Variants in CYB5R4 observed in about 807,000 individuals in gnomAD.
CYB5R4 encodes cytochrome b5 reductase 4.
In CYB5R4, 55 loss-of-function variants were observed where a neutral mutation model predicts 70.2. The ratio of observed to expected loss-of-function variants is 0.78; its 90% CI spans 0.63 to 0.98. The LOEUF is 0.98. Among genes scored for constraint, CYB5R4 ranks in the 50% least tolerant of loss-of-function variants. CYB5R4 has a pLI of 0.00. For synonymous variants in CYB5R4, 197 were observed against 199.5 expected, an observed-to-expected ratio of 0.99 and a Z score of 0.11; for missense variants, 562 against 612.6, an observed-to-expected ratio of 0.92 and a Z score of 0.87.
chr6:83,883,158 G>T (rs928537857), intron 2 of CYB5R4, among the ~76,000 whole-genome samples: 2 of 152,070 alleles, frequency 1.3e-5, no homozygotes, highest in Non-Finnish European at 2.9e-5. Flanking sequence ...GCAGATAGAT[G>T]AATATAAATG....
intron 6 of CYB5R4, among the ~76,000 whole-genome samples, 155 bp downstream of exon 6, chr6:83,918,220 T>A (rs1019245452): frequency 6.6e-6 from 1 of 152,148 alleles, no homozygotes; most frequent in African/African-American, 2.4e-5. Flanking sequence ...TTAGATGTTG[T>A]TGGAGAATGA....
rs745836350 is a variant in CYB5R4, at chr6:83,924,511, CA to C, written c.741del (p.Glu248ArgfsTer12). 2 of 1,611,558 alleles carry C rather than the reference CA, an allele frequency of 1.2e-6. No individual in the cohort carries two copies. The highest frequency in any genetic ancestry group is 1.7e-6 in the Non-Finnish European group (2 of 1,178,526). ...ESVGKIEIVL[Q>X]KKENTSWDFL... is the part of the protein sequence containing the mutation. ...TGTGGGAAAAATAGAGATTGTTCTA[CA>C]AAAAAAAGAGAATACTTCTTGGGAC... is the stretch of plus-strand genomic sequence containing the variant. On this transcript the variant is annotated frameshift_variant, in exon 10 of 16. Transcript: ENST00000369681. LOFTEE classifies it high-confidence loss of function.
chr6:83,938,773 C>G (rs1271513260), intron 12 of CYB5R4, among the ~76,000 whole-genome samples: 5 of 152,060 alleles, frequency 3.3e-5, no homozygotes, highest in African/African-American at 9.7e-5. Flanking sequence ...ATCTGGCTTT[C>G]CTAAAGACAC....
At position 83,963,463 on chromosome 6, in the gene CYB5R4, C is replaced by G. The variant is rs748401443; in HGVS notation, c.*3585C>G. 1.3e-5 allele frequency: 2 copies of G among 152,178 alleles called. No homozygotes were observed. The highest frequency in any genetic ancestry group is 3.9e-4 in the East Asian group (2 of 5,174). The allele number at this position is 152,178 out of a possible 1,614,324, so 9.4% of individuals were successfully genotyped here. On this transcript the variant is annotated 3_prime_UTR_variant, in exon 16 of 16. Transcript: ENST00000369681. ...CATTTTTGGGCAGAAAAAACAGATT[C>G]TGTATGATCTACAGTATTTAACATT...
At chr6:83,887,965 T>C (rs1405509322) in intron 2 of CYB5R4, among the ~76,000 whole-genome samples, 2 of 152,144 alleles carry the variant, frequency 1.3e-5, no homozygotes, top group Non-Finnish European at 2.9e-5. Context: ...AGGATTGGTG[T>C]TTCATGAATC....
At chr6:83,888,522 A>T (rs1265246995) in intron 2 of CYB5R4, among the ~76,000 whole-genome samples, 1 of 152,056 alleles carries the variant, frequency 6.6e-6, no homozygotes, top group Non-Finnish European at 1.5e-5. Flanking sequence ...TACTATTGTA[A>T]TAGTTTTGGA....
intron 3 of CYB5R4, among the ~76,000 whole-genome samples, chr6:83,900,201 T>C (rs1192599094): frequency 1.3e-5 from 2 of 152,230 alleles, no homozygotes; most frequent in African/African-American, 2.4e-5. Flanking sequence ...AACATCTTTA[T>C]TTCTGCCTTC....
At chr6:83,925,015 G>C (rs2099467053) in intron 10 of CYB5R4, among the ~76,000 whole-genome samples, 1 of 152,022 alleles carries the variant, frequency 6.6e-6, no homozygotes, top group Non-Finnish European at 1.5e-5. Context: ...TTTACTTCTT[G>C]TATTAGTCTC....
chr6:83,940,995 T>C (rs1485710963), intron 14 of CYB5R4, among the ~76,000 whole-genome samples: 1 of 152,216 alleles, frequency 6.6e-6, no homozygotes, highest in Non-Finnish European at 1.5e-5. Context: ...ATGGGATTTC[T>C]AAAGCCTTTA....
At chr6:83,864,942 A>G (rs1161825672) in intron 2 of CYB5R4, among the ~76,000 whole-genome samples, 1 of 152,164 alleles carries the variant, frequency 6.6e-6, no homozygotes, top group Non-Finnish European at 1.5e-5. Context: ...CCTGATATCT[A>G]GTAGGGGAAC....
At chr6:83,929,335 A>T (rs1185166014) in intron 10 of CYB5R4, 1 of 152,206 alleles carries the variant, frequency 6.6e-6, no homozygotes, top group African/African-American at 2.4e-5. Context: ...CCATCTTACT[A>T]GTTTCTTAGC....
chr6:83,921,256 C>G, intron 8 of CYB5R4, 81 bp downstream of exon 8: 3 of 1,218,066 alleles, frequency 2.5e-6, no homozygotes, highest in South Asian at 1.6e-5. Context: ...GTCTAGGTAA[C>G]TGTAATATTT....
At chr6:83,919,849 A>G (rs937981929) in intron 7 of CYB5R4, among the ~76,000 whole-genome samples, 20 of 152,014 alleles carry the variant, frequency 1.3e-4, no homozygotes, top group African/African-American at 4.8e-4. Context: ...CACCATAAGA[A>G]CAAATTTCCT....
chr6:83,866,766 C>G (rs185516717), intron 2 of CYB5R4, among the ~76,000 whole-genome samples: 15 of 152,112 alleles, frequency 9.9e-5, no homozygotes, highest in Admixed American at 3.9e-4. Flanking sequence ...CAAGTGTGCA[C>G]CACCATGCCC....
rs61756899 is a variant in CYB5R4 at position 83,936,386 on chromosome 6, T to A, written c.1108+10T>A. Reference sequence around the variant, plus strand: ...GATCGTCTTCAGATTGGTTAGTATTTTTACATTTTTTAAACCTCATTTGTG... The same window carrying A: ...GATCGTCTTCAGATTGGTTAGTATTATTACATTTTTTAAACCTCATTTGTG... On this transcript the variant is annotated intron_variant, in intron 12 of 15. Transcript: ENST00000369681. 3.1e-3 allele frequency: 4,934 copies of A among 1,610,314 alleles called. 115 individuals are homozygous for A. In the African/African-American group the frequency reaches 0.055, roughly 18 times the overall value.
intron 2 of CYB5R4, among the ~76,000 whole-genome samples, chr6:83,890,422 G>A (rs188086187): frequency 1.8e-3 from 274 of 152,240 alleles, no homozygotes; most frequent in African/African-American, 6.3e-3. Context: ...AAATTGCTGC[G>A]TGATAAAACT....
chr6:83,861,604 A>G (rs2099455940), intron 1 of CYB5R4, among the ~76,000 whole-genome samples: 1 of 152,108 alleles, frequency 6.6e-6, no homozygotes, highest in Non-Finnish European at 1.5e-5. Flanking sequence ...AGTTAGGTTA[A>G]TTGGTGTGTC....
At chr6:83,919,354 G>T in intron 6 of CYB5R4, 43 bp from the exon 7 acceptor site, 2 of 1,058,654 alleles carry the variant, frequency 1.9e-6, no homozygotes, top group South Asian at 3.0e-5. Context: ...GAATGCACAT[G>T]ATTGTCAATA....
intron 4 of CYB5R4, among the ~76,000 whole-genome samples, chr6:83,913,289 T>C (rs1280047325): frequency 6.6e-6 from 1 of 152,216 alleles, no homozygotes; most frequent in Non-Finnish European, 1.5e-5. Context: ...TTTTGAAGTA[T>C]AGTTTAAATG....
Sources: allele counts gnomAD v4.1 joint callset (sites outside exome capture counted in the v4.1 genomes callset), GRCh38; gene constraint gnomAD v4.1.1; transcripts MANE v1.5; gene names NCBI Gene and HGNC (gene_info 2026-07-23, HGNC 2026-07-21).